The following ZHX2 variants were observed in gnomAD, a reference collection of about 807,000 sequenced individuals.
ZHX2 encodes zinc fingers and homeoboxes 2, also known as zinc fingers and homeoboxes protein 2.
A neutral mutation model predicts 21.9 loss-of-function variants in ZHX2; 6 were observed. The ratio of observed to expected loss-of-function variants is 0.27; its 90% CI spans 0.15 to 0.54. ZHX2 has a LOEUF of 0.54. ZHX2 is among the 20% of genes least tolerant of loss of function. ZHX2 has a pLI of 0.95. For missense variants in ZHX2, 908 were observed against 1,090.7 expected (o/e 0.83, Z 2.36); for synonymous variants, 434 against 437.1 (o/e 0.99, Z 0.09).
At chr8:122,906,217 G>T (rs1177140785) in intron 2 of ZHX2, among the ~76,000 whole-genome samples, 1 of 152,188 alleles carries the variant, frequency 6.6e-6, no homozygotes, top group Non-Finnish European at 1.5e-5. Context: ...TATAGAAATT[G>T]AATTGAGGCT....
chr8:122,936,953 C>T (rs1812713615), intron 2 of ZHX2, among the ~76,000 whole-genome samples: 1 of 152,262 alleles, frequency 6.6e-6, no homozygotes, highest in African/African-American at 2.4e-5. Context: ...TAATCACTCA[C>T]TGTTCCTGGA....
At chr8:122,898,723 T>C (rs1420367367) in intron 2 of ZHX2, among the ~76,000 whole-genome samples, 1 of 152,258 alleles carries the variant, frequency 6.6e-6, no homozygotes, top group Non-Finnish European at 1.5e-5. Context: ...CTGTGTTAAC[T>C]CATTAAAGCT....
At chr8:122,908,980 C>T (rs1820413185) in intron 2 of ZHX2, among the ~76,000 whole-genome samples, 1 of 152,192 alleles carries the variant, frequency 6.6e-6, no homozygotes, top group Non-Finnish European at 1.5e-5. Context: ...CCATCACCAC[C>T]AGTTAGTTCT....
chr8:122,927,045 A>G (rs1820876542), intron 2 of ZHX2, among the ~76,000 whole-genome samples: 1 of 152,186 alleles, frequency 6.6e-6, no homozygotes, highest in East Asian at 1.9e-4. Flanking sequence ...GGACCTGGGT[A>G]TCTTTTGGAG....
chr8:122,828,050 G>A lies in ZHX2; in HGVS notation c.-282-35427G>A, dbSNP rs923210241. On this transcript the variant is annotated intron_variant, in intron 1 of 3. Coordinates refer to ENST00000314393, the MANE Select transcript of ZHX2 (RefSeq NM_014943.5). The surrounding 1 kb of genome is among the most constrained non-coding windows in gnomAD (Gnocchi z 5.2). Reference sequence around the variant, plus strand: ...GATCACTTGAGCCCAGAAGGTTGAGGTTGGAGTGAGCCATGATCTCTCCAC... The same window carrying A: ...GATCACTTGAGCCCAGAAGGTTGAGATTGGAGTGAGCCATGATCTCTCCAC... Among the ~76,000 whole-genome samples the A allele has an allele frequency of 5.9e-5, 9 of 152,200 alleles. No individual in the cohort carries two copies. The highest frequency in any genetic ancestry group is 1.2e-4 in the Non-Finnish European group (8 of 68,044).
intron 1 of ZHX2, among the ~76,000 whole-genome samples, chr8:122,817,768 C>T (rs1474189644): frequency 1.3e-5 from 2 of 152,216 alleles, no homozygotes; most frequent in African/African-American, 2.4e-5. Context: ...GACAAAGCTA[C>T]AGGAGCCAGC....
intron 2 of ZHX2, among the ~76,000 whole-genome samples, chr8:122,896,430 T>C (rs1820102776): frequency 6.6e-6 from 1 of 152,224 alleles, no homozygotes; most frequent in Admixed American, 6.5e-5. Flanking sequence ...ACTGGCATTT[T>C]TGAGCGTCAG....
chr8:122,957,625 A>G (rs1175048403), intron 3 of ZHX2, among the ~76,000 whole-genome samples: 1 of 151,898 alleles, frequency 6.6e-6, no homozygotes, highest in Non-Finnish European at 1.5e-5. Flanking sequence ...GTGCCACCAT[A>G]CCCAGCTAAT....
chr8:122,833,753 G>A (rs578195699), intron 1 of ZHX2, among the ~76,000 whole-genome samples: 2 of 151,776 alleles, frequency 1.3e-5, no homozygotes, highest in African/African-American at 4.8e-5. Context: ...TCCCAGCACT[G>A]TGGGAGGCCG....
At chr8:122,817,020 A>C (rs1471816422) in intron 1 of ZHX2, among the ~76,000 whole-genome samples, 1 of 152,202 alleles carries the variant, frequency 6.6e-6, no homozygotes, top group African/African-American at 2.4e-5. Context: ...TGGATGGAGA[A>C]AGAGAACAAA....
At chr8:122,906,462 C>T (rs1820349378) in intron 2 of ZHX2, among the ~76,000 whole-genome samples, 1 of 152,118 alleles carries the variant, frequency 6.6e-6, no homozygotes, top group Non-Finnish European at 1.5e-5. Context: ...AGCTGCGACA[C>T]ATGGTTGAGT....
intron 3 of ZHX2, among the ~76,000 whole-genome samples, chr8:122,969,181 GAA>G (rs1813659272): frequency 6.6e-6 from 1 of 151,848 alleles, no homozygotes; most frequent in Non-Finnish European, 1.5e-5. Context: ...GAGAGAGAGA[GAA>G]ATATTATGGA....
intron 2 of ZHX2, among the ~76,000 whole-genome samples, chr8:122,933,345 C>G (rs1812587032): frequency 6.6e-6 from 1 of 152,212 alleles, no homozygotes; most frequent in Non-Finnish European, 1.5e-5. Context: ...TAAATCAGAG[C>G]AGGCTTATCT....
chr8:122,888,488 T>C (rs1819899324), intron 2 of ZHX2, among the ~76,000 whole-genome samples: 1 of 152,204 alleles, frequency 6.6e-6, no homozygotes, highest in African/African-American at 2.4e-5. Context: ...TTTTGTTTTT[T>C]TGTTTTTTTG....
chr8:122,946,024 C>G (rs941808246), intron 2 of ZHX2, among the ~76,000 whole-genome samples: 10 of 152,138 alleles, frequency 6.6e-5, no homozygotes, highest in African/African-American at 2.2e-4. Flanking sequence ...AGACACTGGC[C>G]CAGGGCAAGA....
At chr8:122,972,443 T>G (rs1022785155) in intron 3 of ZHX2, among the ~76,000 whole-genome samples, 2 of 152,210 alleles carry the variant, frequency 1.3e-5, no homozygotes, top group African/African-American at 2.4e-5. Context: ...TACCTGGGTT[T>G]GAATCTTGGC....
chr8:122,964,073 A>G (rs896464712), intron 3 of ZHX2, among the ~76,000 whole-genome samples: 3 of 152,128 alleles, frequency 2.0e-5, no homozygotes, highest in African/African-American at 4.8e-5. Flanking sequence ...TTTTCTAGGT[A>G]TATAATCAAC....
chr8:122,832,190 G>A (rs59845081), intron 1 of ZHX2, among the ~76,000 whole-genome samples: 39,056 of 152,112 alleles, frequency 0.26, 5,033 homozygotes, highest in Middle Eastern at 0.34. Context: ...AGACGGTGAT[G>A]TGGGGAGTTT....
At chr8:122,888,267 T>A (rs1315736027) in intron 2 of ZHX2, among the ~76,000 whole-genome samples, 2 of 152,034 alleles carry the variant, frequency 1.3e-5, no homozygotes, top group Non-Finnish European at 2.9e-5. Flanking sequence ...TTTCTTTTTT[T>A]AAAATTATTT....
Sources: allele counts gnomAD v4.1 joint callset (sites outside exome capture counted in the v4.1 genomes callset), GRCh38; gene constraint gnomAD v4.1.1; non-coding constraint Gnocchi (gnomAD v3.1); transcripts MANE v1.5; gene names NCBI Gene and HGNC (gene_info 2026-07-23, HGNC 2026-07-21).